OR6B3: variants seen among roughly 807,000 people sequenced by gnomAD.
OR6B3 encodes olfactory receptor family 6 subfamily B member 3, also known as olfactory receptor 6B3.
For missense variants in OR6B3, 315 were observed against 427.4 expected (o/e 0.74, Z 2.32); for synonymous variants, 148 against 187.8 (o/e 0.79, Z 1.73).
In OR6B3 at chr2:240,045,384, G is replaced by A. The variant is rs371957226; in HGVS notation, c.689C>T (p.Ser230Leu). 133 of 1,614,208 alleles carry A rather than the reference G, an allele frequency of 8.2e-5. No homozygotes were observed. Among genetic ancestry groups the A allele is most frequent in the East Asian group, 2.0e-4 (9 of 44,884 alleles). The stretch of plus-strand genomic sequence containing the variant: ...GAAGGCTCTCCAGCAGCCGGTGGCC[G>A]AGGGGATGCGCAGGACAGCCAGGGT... The change falls in exon 2 of 2, where the codon TCG becomes TTG. Residue 230 changes from serine (S) to leucine (L), a missense_variant. Transcript: ENST00000641019.
Position 240,045,368 on chromosome 2 carries a change from C to G in OR6B3, c.705G>C (p.Trp235Cys). 6.2e-7 allele frequency: 1 copy of G among 1,614,168 alleles called. No homozygotes were observed. The highest frequency in any genetic ancestry group is 2.2e-5 in the East Asian group (1 of 44,882). Residue 235 changes from tryptophan to cysteine, a missense_variant, in exon 2 of 2, where the codon TGG (tryptophan) becomes TGC (cysteine). Coordinates refer to ENST00000641019, the Ensembl canonical transcript of OR6B3. ...GAGAGGCGCAGGTGAAGAAGGCTCT[C>G]CAGCAGCCGGTGGCCGAGGGGATGC...
upstream of OR6B3, among the ~76,000 whole-genome samples, chr2:240,048,920 C>T (rs114166286): frequency 5.8e-3 from 887 of 152,292 alleles, 7 homozygotes; most frequent in African/African-American, 0.021. Context: ...ATGTTACCAC[C>T]GTCCTGCCCA....
chr2:240,053,318 C>T, the OR6B3 span, among the ~76,000 whole-genome samples: 1 of 152,188 alleles, frequency 6.6e-6, no homozygotes, highest in Non-Finnish European at 1.5e-5. The surrounding 1 kb of genome is among the most constrained non-coding windows in gnomAD (Gnocchi z 4.1). Flanking sequence ...TATCTGGTTT[C>T]TTTTGAAAAG....
At chr2:240,046,049 C>A (rs560483421) in exon 2 of OR6B3, 3 of 1,613,310 alleles carry the variant, frequency 1.9e-6, no homozygotes, top group Middle Eastern at 1.7e-4. Context: ...AGGTGCCGAC[C>A]CTGGTGACAT....
upstream of OR6B3, among the ~76,000 whole-genome samples, chr2:240,048,406 G>C (rs570250687): frequency 6.6e-6 from 1 of 152,180 alleles, no homozygotes; most frequent in East Asian, 1.9e-4. Flanking sequence ...CCCCATCTCC[G>C]CACTGTCTCT....
intron 1 of OR6B3, 41 bp from the exon 3 acceptor site, chr2:240,046,138 A>G (rs1169787704): frequency 2.1e-6 from 3 of 1,397,130 alleles, no homozygotes; most frequent in Admixed American, 2.0e-5. Context: ...GCTGCAGGGA[A>G]GCTGGGGCAG....
upstream of OR6B3, among the ~76,000 whole-genome samples, chr2:240,049,329 T>C (rs1163057858): frequency 6.6e-6 from 1 of 152,158 alleles, no homozygotes; most frequent in Non-Finnish European, 1.5e-5. Context: ...TTAGCTTTAG[T>C]TTTCATCAAA....
upstream of OR6B3, among the ~76,000 whole-genome samples, chr2:240,048,287 G>C (rs965538574): frequency 6.6e-6 from 1 of 152,252 alleles, no homozygotes; most frequent in East Asian, 1.9e-4. Flanking sequence ...TGGAGTCCCT[G>C]GCCCTTTGCT....
intron 1 of OR6B3, 107 bp downstream of exon 2, chr2:240,046,845 T>C (rs1698198496): frequency 1.3e-5 from 2 of 152,182 alleles, no homozygotes; most frequent in South Asian, 2.1e-4. Flanking sequence ...TATTTTTATA[T>C]AAAACACATC....
At chr2:240,050,882 AG>A (rs1698249369), upstream of OR6B3, among the ~76,000 whole-genome samples, 1 of 152,170 alleles carries the variant, frequency 6.6e-6, no homozygotes, top group Non-Finnish European at 1.5e-5. Context: ...TGTTGATTTG[AG>A]GGATAATAAA....
chr2:240,048,563 A>G (rs998335002), upstream of OR6B3, among the ~76,000 whole-genome samples: 1 of 152,122 alleles, frequency 6.6e-6, no homozygotes, highest in African/African-American at 2.4e-5. Context: ...TCCTGAGGAC[A>G]GGAGCTATGC....
Position 240,045,418 on chromosome 2 carries a change from C to A in OR6B3, c.655G>T (p.Ala219Ser), listed in dbSNP as rs756317623. 4.1e-4 allele frequency: 658 copies of A among 1,614,030 alleles called. No individual in the cohort carries two copies. Among genetic ancestry groups the A allele is most frequent in the Non-Finnish European group, 5.1e-4 (602 of 1,180,030 alleles). Residue 219 changes from alanine to serine, a missense_variant, in exon 2 of 2, where the codon GCG (alanine) becomes TCG (serine). Ala to Ser is a moderately conservative substitution (Grantham distance 99, BLOSUM62 1). Coordinates refer to ENST00000641019, the Ensembl canonical transcript of OR6B3. ...CGCAGGACAGCCAGGGTGATGTGCGCATATGACAGCATGGTGGCCAGGAGT... is the reference window on the plus strand; with the variant it reads ...CGCAGGACAGCCAGGGTGATGTGCGAATATGACAGCATGGTGGCCAGGAGT...
At chr2:240,045,618 C>T (rs1337851042) in exon 2 of OR6B3, 4 of 1,441,570 alleles carry the variant, frequency 2.8e-6, no homozygotes, top group Non-Finnish European at 3.9e-6. Flanking sequence ...GATGGTGAAG[C>T]CACTCACAAA....
chr2:240,049,231 G>T (rs992591267), upstream of OR6B3, among the ~76,000 whole-genome samples: 1 of 152,136 alleles, frequency 6.6e-6, no homozygotes, highest in African/African-American at 2.4e-5. Flanking sequence ...GCTAGTTTAG[G>T]AACTTCAAGG....
exon 2 of OR6B3, chr2:240,045,225 G>C: frequency 6.2e-7 from 1 of 1,614,222 alleles, no homozygotes; most frequent in South Asian, 1.1e-5. Context: ...GTTCAAGATG[G>C]GGGTGATAAC....
At chr2:240,048,016 T>C (rs985566552), upstream of OR6B3, among the ~76,000 whole-genome samples, 23 of 152,080 alleles carry the variant, frequency 1.5e-4, no homozygotes, top group Admixed American at 1.2e-3. Context: ...TGTTAGAGCA[T>C]GAATAAGTAG....
Position 240,045,140 on chromosome 2 carries a change from G to A in OR6B3, c.933C>T (p.Ala311=), listed in dbSNP as rs201522340. 332 of 1,613,988 alleles carry A rather than the reference G, an allele frequency of 2.1e-4. 1 individual carries two copies. The African/African-American group carries it at 3.2e-3, about 15-fold the overall frequency. The change falls in exon 2 of 2, where the codon GCC becomes GCT. Residue 311 remains alanine, a synonymous_variant. Coordinates refer to ENST00000641019, the Ensembl canonical transcript of OR6B3. ...GAAGACTAGAAAGCCTCCCCTCTAC[G>A]GCGCAGCTCGTCAAGCCGAAGGCTT...
At chr2:240,052,575 T>C in the OR6B3 span, among the ~76,000 whole-genome samples, 2 of 152,160 alleles carry the variant, frequency 1.3e-5, no homozygotes, top group Non-Finnish European at 2.9e-5. The surrounding 1 kb of genome is among the most constrained non-coding windows in gnomAD (Gnocchi z 4.5). Context: ...GATAGTTCAT[T>C]AAACCCATGC....
chr2:240,048,956 GC>G (rs1452520744), upstream of OR6B3, among the ~76,000 whole-genome samples: 1 of 152,210 alleles, frequency 6.6e-6, no homozygotes, highest in Admixed American at 6.5e-5. Flanking sequence ...TGTCCAGAAA[GC>G]CTCACCAGGG....
Sources: gnomAD v4.1 joint callset for allele counts (sites outside exome capture counted in the v4.1 genomes callset) on GRCh38, gnomAD v4.1.1 for gene constraint, Gnocchi (gnomAD v3.1) non-coding constraint, MANE v1.5 for transcripts, NCBI Gene and HGNC (gene_info 2026-07-23, HGNC 2026-07-21) for gene names.